LYST: variants seen among roughly 807,000 people sequenced by gnomAD.
LYST encodes the protein lysosomal trafficking regulator.
In LYST, 192 loss-of-function variants were observed where a neutral mutation model predicts 413.6. The ratio of observed to expected loss-of-function variants is 0.46; its 90% CI spans 0.41 to 0.52. The LOEUF is 0.52. Ranked by LOEUF, LYST falls within the 20% of genes least tolerant of loss-of-function variation. The pLI is 0.00. For synonymous variants in LYST, 1,525 were observed against 1,567.3 expected (o/e 0.97, Z 0.64); for missense variants, 3,815 against 4,499.9 (o/e 0.85, Z 4.35).
intron 25 of LYST, 55 bp downstream of exon 25, chr1:235,755,423 G>GAA: frequency 7.1e-7 from 1 of 1,417,896 alleles, no homozygotes. Context: ...GAAAAGAAAA[G>GAA]AAAAGAAAAA....
intron 3 of LYST, among the ~76,000 whole-genome samples, chr1:235,815,352 G>A (rs13376560): frequency 0.022 from 3,338 of 152,178 alleles, 120 homozygotes; most frequent in African/African-American, 0.076. Context: ...GTGCTATGAA[G>A]GAAATTATCT....
chr1:235,687,841 A>C (rs1660337253), intron 47 of LYST, among the ~76,000 whole-genome samples: 1 of 152,196 alleles, frequency 6.6e-6, no homozygotes, highest in South Asian at 2.1e-4. Flanking sequence ...TCTGCTTTCA[A>C]GGTCAGCCTT....
chr1:235,862,723 G>A (rs1459937349), intron 1 of LYST, among the ~76,000 whole-genome samples: 2 of 151,716 alleles, frequency 1.3e-5, no homozygotes, highest in Non-Finnish European at 2.9e-5. Flanking sequence ...TTGAACCTAG[G>A]AGCCGGAGTT....
chr1:235,679,285 C>T (rs1228022415), intron 48 of LYST, among the ~76,000 whole-genome samples: 4 of 152,096 alleles, frequency 2.6e-5, no homozygotes, highest in Non-Finnish European at 1.5e-5. Flanking sequence ...GTCTGCAGAG[C>T]CACTGGGATA....
intron 12 of LYST, chr1:235,791,478 C>A (rs1249489719): frequency 5.9e-6 from 3 of 512,004 alleles, no homozygotes; most frequent in Non-Finnish European, 1.1e-5. Context: ...TATGTGGTGT[C>A]CCCTTCACCC....
intron 1 of LYST, among the ~76,000 whole-genome samples, chr1:235,864,348 C>A (rs1459190035): frequency 6.6e-6 from 1 of 152,102 alleles, no homozygotes; most frequent in Non-Finnish European, 1.5e-5. Context: ...CCACCCTTCT[C>A]CCCACCAAAC....
intron 3 of LYST, among the ~76,000 whole-genome samples, chr1:235,818,673 T>C (rs1470547423): frequency 6.6e-6 from 1 of 152,198 alleles, no homozygotes; most frequent in East Asian, 1.9e-4. Context: ...TTGGCATATC[T>C]TTCCGGTAGA....
chr1:235,722,607 TCCCAA>T lies in LYST; in HGVS notation c.9315+1416_9315+1420del, dbSNP rs1170769961. Among the ~76,000 whole-genome samples, 26 of 152,316 alleles carry T rather than the reference TCCCAA, an allele frequency of 1.7e-4. No homozygotes were observed. The East Asian group carries it at 4.2e-3, about 25-fold the overall frequency. On this transcript the variant is annotated intron_variant, in intron 39 of 52. Coordinates refer to ENST00000389793, the MANE Select transcript of LYST (RefSeq NM_000081.4). The stretch of plus-strand genomic sequence containing the variant: ...TTCAAGTGATTCTCCTGCCTCAGCC[TCCCAA>T]GTAGCTGGGACTACAGGCATGTGCC...
chr1:235,827,692 T>C (rs1675487220), intron 3 of LYST: 2 of 983,340 alleles, frequency 2.0e-6, no homozygotes, highest in Non-Finnish European at 2.4e-6. Flanking sequence ...CCTACTATTA[T>C]TGCTACAGAT....
Position 235,808,574 on chromosome 1 carries a change from A to G in LYST, c.2244T>C (p.His748=), listed in dbSNP as rs1219860883. The G allele has an allele frequency of 1.9e-6, 3 of 1,614,036 alleles. No homozygotes were observed. The Admixed American group carries it at 5.0e-5, about 27-fold the overall frequency. The change falls in exon 5 of 53, where the codon CAT becomes CAC. Residue 748 remains histidine, a synonymous_variant. Coordinates refer to ENST00000389793, the MANE Select transcript of LYST (RefSeq NM_000081.4). ...CTGAAGTAACGCTTAGGTGTTGACA[A>G]TGATGTGCTAATTCAACTCCTCTTT... The part of the protein sequence containing the change: ...VLQRGVELAH[H]CQHLSVTSAQ...
intron 48 of LYST, among the ~76,000 whole-genome samples, chr1:235,681,836 CTTT>C (rs1659839614): frequency 6.6e-6 from 1 of 151,702 alleles, no homozygotes; most frequent in African/African-American, 2.4e-5. Flanking sequence ...CATTTTTTTT[CTTT>C]ATCTTTCTAT....
At chr1:235,714,157 T>C (rs1662634057) in intron 42 of LYST, among the ~76,000 whole-genome samples, 1 of 152,218 alleles carries the variant, frequency 6.6e-6, no homozygotes, top group Non-Finnish European at 1.5e-5. Flanking sequence ...GTGACAGGCT[T>C]GGAAACCACA....
Position 235,810,334 on chromosome 1 carries a change from G to A in LYST, c.484C>T (p.Gln162Ter), listed in dbSNP as rs1346059141. ...GCTTCTGAATCTGAGGTGGAGAGCT[G>A]TGTCTTTCTTGCATCTCTTACAGAA... ...RYSVRDARKTQLSTSDSEANS... is the reference protein window; with the variant it reads ...RYSVRDARKT The change falls in exon 5 of 53, where the codon CAG (glutamine) becomes TAG (stop). Residue 162 changes from glutamine (Q) to a stop codon, truncating the protein, a stop_gained. Transcript: ENST00000389793. LOFTEE classifies it high-confidence loss of function. 1 of 1,614,096 alleles carries A rather than the reference G, an allele frequency of 6.2e-7. No individual in the cohort carries two copies. Among genetic ancestry groups the A allele is most frequent in the Admixed American group, 1.7e-5 (1 of 60,012 alleles).
chr1:235,778,100 T>A (rs1558230841), intron 16 of LYST, among the ~76,000 whole-genome samples: 1 of 140,996 alleles, frequency 7.1e-6, no homozygotes, highest in African/African-American at 2.8e-5. Context: ...CCCAGTTAAA[T>A]ATATATATAT....
chr1:235,869,287 A>G (rs1386301878), upstream of LYST, among the ~76,000 whole-genome samples: 1 of 152,140 alleles, frequency 6.6e-6, no homozygotes, highest in African/African-American at 2.4e-5. Context: ...CCTGGCTAAC[A>G]CGGTGAAACC....
At chr1:235,802,370 T>G (rs1242385283) in intron 8 of LYST, among the ~76,000 whole-genome samples, 2 of 152,074 alleles carry the variant, frequency 1.3e-5, no homozygotes, top group Non-Finnish European at 1.5e-5. Flanking sequence ...TATAGTTCCA[T>G]CCTAAAGACA....
chr1:235,765,130 C>CT (rs1668005495), intron 21 of LYST, among the ~76,000 whole-genome samples: 1 of 152,156 alleles, frequency 6.6e-6, no homozygotes, highest in Admixed American at 6.6e-5. Flanking sequence ...CTTCTTCATG[C>CT]TGTAACCCTC....
intron 22 of LYST, among the ~76,000 whole-genome samples, chr1:235,761,539 A>G (rs1244876293): frequency 6.6e-6 from 1 of 152,216 alleles, no homozygotes; most frequent in Non-Finnish European, 1.5e-5. Flanking sequence ...GATTCTGAAC[A>G]TACCTAAAAA....
At chr1:235,736,380 G>A (rs2103232370) in intron 31 of LYST, 1 of 152,256 alleles carries the variant, frequency 6.6e-6, no homozygotes, top group South Asian at 2.1e-4. Flanking sequence ...GGTATAGAGT[G>A]ATCTGGGTCA....
Sources: allele counts gnomAD v4.1 joint callset (sites outside exome capture counted in the v4.1 genomes callset), GRCh38; gene constraint gnomAD v4.1.1; transcripts MANE v1.5; gene names NCBI Gene and HGNC (gene_info 2026-07-23, HGNC 2026-07-21).